ZNF484: variants seen among roughly 807,000 people sequenced by gnomAD.
ZNF484 encodes KRAB box containing C2H2 type zinc finger bA526D8.4.
Under a neutral mutation model 12.9 loss-of-function variants are expected in ZNF484, and 11 were observed. The observed-to-expected ratio is 0.85, with a 90% CI of 0.54 to 1.41. The LOEUF (loss-of-function observed/expected upper bound fraction) is 1.41. Ranked by LOEUF, ZNF484 falls within the 40% of genes most tolerant of loss-of-function variation. The pLI is 0.00. For synonymous variants in ZNF484, 289 were observed against 334.1 expected (o/e 0.86, Z 1.47); for missense variants, 807 against 1,007.7 (o/e 0.80, Z 2.70).
rs1855948944 is a variant in ZNF484 at position 92,849,759 on chromosome 9, C to G, written c.236-1208G>C. On this transcript the variant is annotated intron_variant, in intron 4 of 4. Transcript: ENST00000375495. ...TGAGCTCTGATCGCACCATTACACT[C>G]CAGCCTGGGTGACAGAGTGAGACTC... Among the ~76,000 whole-genome samples, 4 of 151,818 alleles carry G rather than the reference C, an allele frequency of 2.6e-5. No homozygotes were observed. In the South Asian group the frequency reaches 8.3e-4, roughly 32 times the overall value.
rs1855604474 is a variant in ZNF484 at position 92,846,470 on chromosome 9, C to T, written c.2317G>A (p.Glu773Lys). 6.2e-7 allele frequency: 1 copy of T among 1,614,142 alleles called. No individual in the cohort carries two copies. The highest frequency in any genetic ancestry group is 1.1e-5 in the South Asian group (1 of 91,076). ...CACTCAGCACATATATATGGTTTCT[C>T]TCCTGTGTGAATTCGATGATGCTCA... Reference protein sequence around the residue: ...LHEHHRIHTGEKPYICAECGK... With the variant: ...LHEHHRIHTGKKPYICAECGK... The change falls in exon 5 of 5, where the codon GAG becomes AAG. Residue 773 changes from glutamate to lysine, a missense_variant. Transcript: ENST00000375495.
chr9:92,862,180 A>T (rs1856820150), intron 2 of ZNF484: 2 of 954,226 alleles, frequency 2.1e-6, no homozygotes, highest in South Asian at 4.8e-5. Context: ...AAAAAAAAAT[A>T]AAAAAAGAAT....
intron 2 of ZNF484, among the ~76,000 whole-genome samples, chr9:92,871,426 T>C (rs1173663561): frequency 6.6e-6 from 1 of 152,078 alleles, no homozygotes; most frequent in African/African-American, 2.4e-5. Flanking sequence ...CTCAGAGACA[T>C]GTGGGACAAT....
chr9:92,848,176 G>A lies in ZNF484; in HGVS notation c.611C>T (p.Thr204Ile). ...AGTGAAAATATCACCATCTCCAATA[G>A]TCTTATCAGAATTTTCTGTTGCATT... Reference protein sequence around the residue: ...RNNATENSDKTIGDGDIFTHL... With the variant: ...RNNATENSDKIIGDGDIFTHL... Residue 204 changes from threonine (T) to isoleucine (I), a missense_variant, in exon 5 of 5, where the codon ACT becomes ATT. Coordinates refer to ENST00000375495, the MANE Select transcript of ZNF484 (RefSeq NM_031486.4). This position sits in a 1 kb window ranked among gnomAD's most constrained non-coding sequence, Gnocchi z 4.1. The A allele has an allele frequency of 6.2e-7, 1 of 1,614,068 alleles. No homozygotes were observed.
intron 2 of ZNF484, among the ~76,000 whole-genome samples, chr9:92,866,502 C>T (rs983225281): frequency 6.6e-6 from 1 of 152,124 alleles, no homozygotes; most frequent in Admixed American, 6.5e-5. Context: ...TAGATGCTGG[C>T]GAGGCTGTGG....
chr9:92,876,572 GTGGAATTCGATGTTAAAAAGTGTTTTTCT>G (rs1170336937), intron 1 of ZNF484, among the ~76,000 whole-genome samples: 3 of 152,070 alleles, frequency 2.0e-5, no homozygotes, highest in South Asian at 2.1e-4. Context: ...GAGTATCAAC[GTGGAATTCGATGTTAAAAAGTGTTTTTCT>G]TGGAATTCGA....
Position 92,846,694 on chromosome 9 carries a change from C to T in ZNF484, c.2093G>A (p.Gly698Glu). 6.2e-7 allele frequency: 1 copy of T among 1,613,994 alleles called. No homozygotes were observed. The highest frequency in any genetic ancestry group is 8.5e-7 in the Non-Finnish European group (1 of 1,179,988). ...TGTTGATTTTCTTGCAAAGGCTTTC[C>T]CACATTCACTGCACTCATAATGCCT... ...GERHYECSEC[G>E]KAFARKSTLI... The change falls in exon 5 of 5, where the codon GGG becomes GAG. Residue 698 changes from glycine (G) to glutamate (E), a missense_variant. Transcript: ENST00000375495.
intron 2 of ZNF484, among the ~76,000 whole-genome samples, chr9:92,873,534 AAAAAG>A (rs780308592): frequency 2.0e-5 from 3 of 152,218 alleles, no homozygotes; most frequent in Non-Finnish European, 4.4e-5. Context: ...AAAACTTCCA[AAAAAG>A]AAATCTCTAG....
At chr9:92,852,089 A>G (rs892918151) in intron 4 of ZNF484, among the ~76,000 whole-genome samples, 3 of 152,234 alleles carry the variant, frequency 2.0e-5, no homozygotes, top group African/African-American at 7.2e-5. Context: ...CTCTGCTTAT[A>G]ACACAAATTC....
intron 2 of ZNF484, among the ~76,000 whole-genome samples, chr9:92,872,451 T>C (rs1268308468): frequency 1.1e-5 from 1 of 87,134 alleles, no homozygotes; most frequent in Non-Finnish European, 2.1e-5. Context: ...GATCGCGCCA[T>C]TGCACTCCAG....
chr9:92,873,228 A>G (rs1314909948), intron 2 of ZNF484, among the ~76,000 whole-genome samples: 1 of 152,204 alleles, frequency 6.6e-6, no homozygotes, highest in African/African-American at 2.4e-5. Flanking sequence ...TCTACAAGCC[A>G]AGAAGAGAAC....
intron 3 of ZNF484, 88 bp from the exon 4 acceptor site, chr9:92,855,991 A>G: frequency 6.8e-7 from 1 of 1,479,940 alleles, no homozygotes; most frequent in Non-Finnish European, 9.3e-7. Flanking sequence ...CACTGGGAAC[A>G]GAGGAATATT....
chr9:92,855,948 A>C, intron 3 of ZNF484, 45 bp from the exon 4 acceptor site: 1 of 1,596,346 alleles, frequency 6.3e-7, no homozygotes, highest in Non-Finnish European at 8.6e-7. Flanking sequence ...GAGGCCATAC[A>C]ATGAAGCATT....
In ZNF484 at chr9:92,846,788, T is replaced by C. The variant is rs763597137; in HGVS notation, c.1999A>G (p.Ser667Gly). 2 of 1,614,060 alleles carry C rather than the reference T, an allele frequency of 1.2e-6. No homozygotes were observed. The highest frequency in any genetic ancestry group is 2.2e-5 in the South Asian group (2 of 91,072). ...CTAGTGAAGGCTTTCCCACAGTCAC[T>C]ACATTTATAAGGTTTCTCTCCAGTG... ...IHTGEKPYKC[S>G]DCGKAFTRKS... The change falls in exon 5 of 5, where the codon AGT (serine) becomes GGT (glycine). Residue 667 changes from serine (S) to glycine (G), a missense_variant. Physicochemically the swap from Ser to Gly is moderately conservative, Grantham distance 56 (BLOSUM62 0). Transcript: ENST00000375495.
Position 92,858,651 on chromosome 9 carries a change from T to C in ZNF484, c.16-2333A>G, listed in dbSNP as rs138025344. On this transcript the variant is annotated intron_variant, in intron 2 of 4. Transcript: ENST00000375495. The stretch of plus-strand genomic sequence containing the variant: ...TGGGAGGCAGTAAATAGAATTAAAG[T>C]GTTTTATAAAGTATCCTAGCATTAT... Among the ~76,000 whole-genome samples, 501 of 152,266 alleles carry C rather than the reference T, an allele frequency of 3.3e-3. 1 individual carries two copies. Among genetic ancestry groups the C allele is most frequent in the African/African-American group, 0.011 (469 of 41,562 alleles).
chr9:92,856,357 A>G (rs1474773380), intron 2 of ZNF484, 39 bp from the exon 3 acceptor site: 1 of 1,480,488 alleles, frequency 6.8e-7, no homozygotes, highest in Non-Finnish European at 9.0e-7. Flanking sequence ...ATAATTTTTT[A>G]AAGAATATAT....
intron 4 of ZNF484, among the ~76,000 whole-genome samples, chr9:92,849,228 T>C (rs1855907861): frequency 6.6e-6 from 1 of 151,256 alleles, no homozygotes; most frequent in African/African-American, 2.4e-5. Context: ...GCCATTGCAC[T>C]CCAGCCTGGG....
In ZNF484 at chr9:92,846,243, T is replaced by C. The variant is rs1191753427; in HGVS notation, c.2544A>G (p.Gln848=). The C allele has an allele frequency of 6.2e-7, 1 of 1,612,996 alleles. No individual in the cohort carries two copies. Among genetic ancestry groups the C allele is most frequent in the Non-Finnish European group, 8.5e-7 (1 of 1,179,534 alleles). ...ATAATTCTAACTAGATAGAAGAAAG[T>C]TGGCCTTGGTCACCTTCTGAGTCCC... The part of the protein sequence containing the change: ...WCGDSEGDQG[Q]LSSI The change falls in exon 5 of 5, where the codon CAA becomes CAG. Residue 848 remains glutamine, a synonymous_variant. Transcript: ENST00000375495.
chr9:92,853,886 A>C (rs778762949), intron 4 of ZNF484, among the ~76,000 whole-genome samples: 3 of 152,122 alleles, frequency 2.0e-5, no homozygotes, highest in Non-Finnish European at 4.4e-5. Context: ...ACACACAATA[A>C]GAGGGTGTAA....
Sources: gnomAD v4.1 joint callset for allele counts (sites outside exome capture counted in the v4.1 genomes callset) on GRCh38, gnomAD v4.1.1 for gene constraint, Gnocchi (gnomAD v3.1) non-coding constraint, MANE v1.5 for transcripts, NCBI Gene and HGNC (gene_info 2026-07-23, HGNC 2026-07-21) for gene names.